Variants in ZNF141 observed in about 807,000 individuals in gnomAD.
ZNF141 encodes zinc finger protein 141.
A neutral mutation model predicts 11.3 loss-of-function variants in ZNF141; 7 were observed. The ratio of observed to expected loss-of-function variants is 0.62; its 90% CI spans 0.35 to 1.16. The LOEUF (loss-of-function observed/expected upper bound fraction) is 1.16. Among genes scored for constraint, ZNF141 ranks in the 50% most tolerant of loss-of-function variants. The probability of loss-of-function intolerance (pLI) is 0.02; values close to 1 mark genes in which losing one functional copy is unlikely to be tolerated. For missense variants in ZNF141, 535 were observed against 554.0 expected (o/e 0.97, Z 0.34); for synonymous variants, 183 against 190.7 (o/e 0.96, Z 0.33).
intron 3 of ZNF141, among the ~76,000 whole-genome samples, chr4:353,469 T>A (rs187140446): frequency 0.02 from 2,714 of 137,280 alleles, 58 homozygotes; most frequent in African/African-American, 0.062. Context: ...TATTATTATT[T>A]TTTTTTTTTT....
At chr4:364,203 C>T (rs1329303743) in intron 3 of ZNF141, among the ~76,000 whole-genome samples, 2 of 152,150 alleles carry the variant, frequency 1.3e-5, no homozygotes, top group African/African-American at 4.8e-5. Flanking sequence ...ATGCTGGCCT[C>T]ATAAAATGAG....
intron 3 of ZNF141, chr4:350,153 G>C (rs1332232824): frequency 1.9e-6 from 1 of 534,636 alleles, no homozygotes; most frequent in African/African-American, 1.9e-5. Flanking sequence ...AACTGCTTCA[G>C]AATCCTCAGT....
intron 3 of ZNF141, among the ~76,000 whole-genome samples, chr4:356,307 G>GAA (rs1553851219): frequency 6.6e-6 from 1 of 151,494 alleles, no homozygotes; most frequent in African/African-American, 2.4e-5. Flanking sequence ...ACTTCTTAAA[G>GAA]GCCTCACTTC....
chr4:358,183 C>CTTTTTTTTTT, intron 3 of ZNF141: 1 of 301,710 alleles, frequency 3.3e-6, no homozygotes, highest in Non-Finnish European at 6.2e-6. Context: ...GTTTCTCGTT[C>CTTTTTTTTTT]TTTTTTTTTT....
At chr4:344,899 G>A (rs1721248418) in intron 3 of ZNF141, among the ~76,000 whole-genome samples, 1 of 152,124 alleles carries the variant, frequency 6.6e-6, no homozygotes, top group Non-Finnish European at 1.5e-5. Flanking sequence ...ACAAATAGGG[G>A]CATCTTCTGT....
chr4:338,078 C>A, intron 1 of ZNF141, 92 bp downstream of exon 1: 2 of 1,559,022 alleles, frequency 1.3e-6, no homozygotes, highest in Non-Finnish European at 1.8e-6. Context: ...GAACGGAGTC[C>A]CCGCTGCCGC....
chr4:355,007 T>C (rs1196143100), intron 3 of ZNF141, among the ~76,000 whole-genome samples: 1 of 152,082 alleles, frequency 6.6e-6, no homozygotes, highest in Non-Finnish European at 1.5e-5. Flanking sequence ...AGAATATAAA[T>C]TATACTGTTA....
In ZNF141 at chr4:344,329, A is replaced by C. The variant is rs781791537; in HGVS notation, c.131-6A>C. On this transcript the variant is annotated splice_polypyrimidine_tract_variant and splice_region_variant and intron_variant, in intron 2 of 3. Coordinates refer to ENST00000240499, the MANE Select transcript of ZNF141 (RefSeq NM_003441.4). Reference sequence around the variant, plus strand: ...TCATGTTATTATTTTTTTTAAAATAAAACAGGTGTTGCTATCTCTAACCCA... The same window carrying C: ...TCATGTTATTATTTTTTTTAAAATACAACAGGTGTTGCTATCTCTAACCCA... 2.5e-6 allele frequency: 4 copies of C among 1,605,224 alleles called. No homozygotes were observed. Among genetic ancestry groups the C allele is most frequent in the Non-Finnish European group, 3.4e-6 (4 of 1,173,906 alleles).
rs1265107029 is a variant in ZNF141 at position 369,735 on chromosome 4, GAGATATAT to G, written c.227-2927_227-2920del. 3.7e-3 allele frequency among the ~76,000 whole-genome samples: 59 copies of G among 16,154 alleles called. 6 individuals are homozygous for G. The highest frequency in any genetic ancestry group is 0.021 in the Middle Eastern group (1 of 48). 10.6% of individuals were successfully genotyped at this position (16,154 alleles called of 152,430 possible). A position where few individuals can be genotyped will look rare whatever the true frequency, so the allele number is the denominator to read the frequency against. ...TGGGAATTCTGAAAAATTTCTTAAAGAGATATATATATATATATATATATATATATTTT... is the reference window on the plus strand; with the variant it reads ...TGGGAATTCTGAAAAATTTCTTAAAGATATATATATATATATATATATTTT... On this transcript the variant is annotated intron_variant, in intron 3 of 3. Transcript: ENST00000240499.
Position 342,964 on chromosome 4 carries a change from TTATTTTTTA to T in ZNF141, c.4-817_4-809del, listed in dbSNP as rs1721121225. ...TATCTCCTGATCCAAGGCTGAGACC[TTATTTTTTA>T]AAATCAGTTCCTTGCGTGGTTAAAA... On this transcript the variant is annotated intron_variant, in intron 1 of 3. Coordinates refer to ENST00000240499, the MANE Select transcript of ZNF141 (RefSeq NM_003441.4). 18 of 1,479,952 alleles carry T rather than the reference TTATTTTTTA, an allele frequency of 1.2e-5. No homozygotes were observed. In the South Asian group the frequency reaches 1.7e-4, roughly 14 times the overall value. The allele number at this position is 1,479,952 out of a possible 1,614,324, so 91.7% of individuals were successfully genotyped here.
chr4:372,941 T>C lies in ZNF141; in HGVS notation c.504T>C (p.Thr168=). 2.5e-6 allele frequency: 4 copies of C among 1,614,088 alleles called. No homozygotes were observed. In the South Asian group the frequency reaches 3.3e-5, roughly 13 times the overall value. The change falls in exon 4 of 4, where the codon ACT becomes ACC. Residue 168 remains threonine (T), a synonymous_variant. Coordinates refer to ENST00000240499, the MANE Select transcript of ZNF141 (RefSeq NM_003441.4). ...CAAACAAACGTAAGACAAGACATAC[T>C]GGAGAGAAACACTTTAAAGAATGTG... The part of the protein sequence containing the change: ...SNSNKRKTRH[T]GEKHFKECGK...
At chr4:361,142 T>G (rs1722087728) in intron 3 of ZNF141, among the ~76,000 whole-genome samples, 1 of 152,192 alleles carries the variant, frequency 6.6e-6, no homozygotes, top group Non-Finnish European at 1.5e-5. Context: ...GCTAAGTACA[T>G]TTACATTATT....
Position 374,413 on chromosome 4 carries a change from A to G in ZNF141, c.*551A>G. 2.9e-6 allele frequency: 1 copy of G among 348,346 alleles called. No individual in the cohort carries two copies. The highest frequency in any genetic ancestry group is 2.5e-5 in the South Asian group (1 of 40,162). 21.6% of individuals were successfully genotyped at this position (348,346 alleles called of 1,614,324 possible). A position where few individuals can be genotyped will look rare whatever the true frequency, so the allele number is the denominator to read the frequency against. ...GGCACAGTCTTTACCACATCCTCAA[A>G]CTTTGTTAAACATAAGAGAATTTAT... On this transcript the variant is annotated 3_prime_UTR_variant, in exon 4 of 4. Coordinates refer to ENST00000240499, the MANE Select transcript of ZNF141 (RefSeq NM_003441.4).
At position 376,169 on chromosome 4, in the gene ZNF141, C is replaced by T. The variant is rs1712355729; in HGVS notation, c.*2307C>T. On this transcript the variant is annotated 3_prime_UTR_variant, in exon 4 of 4. Coordinates refer to ENST00000240499, the MANE Select transcript of ZNF141 (RefSeq NM_003441.4). ...ATGCCACCAACTTAAACCTATCCCACCTTACTCAATGGTGTAGGTAAAAGA... is the reference window on the plus strand; with the variant it reads ...ATGCCACCAACTTAAACCTATCCCATCTTACTCAATGGTGTAGGTAAAAGA... Among the ~76,000 whole-genome samples, 1 of 152,016 alleles carries T rather than the reference C, an allele frequency of 6.6e-6. No individual in the cohort carries two copies. Among genetic ancestry groups the T allele is most frequent in the Non-Finnish European group, 1.5e-5 (1 of 67,906 alleles).
rs1721169526 is a variant in ZNF141, at chr4:343,691, C to T, written c.4-91C>T. 7 of 1,283,764 alleles carry T rather than the reference C, an allele frequency of 5.5e-6. No homozygotes were observed. The Admixed American group carries it at 9.5e-5, about 17-fold the overall frequency. The allele number at this position is 1,283,764 out of a possible 1,614,324, so 79.5% of individuals were successfully genotyped here. On this transcript the variant is annotated intron_variant, in intron 1 of 3. Coordinates refer to ENST00000240499, the MANE Select transcript of ZNF141 (RefSeq NM_003441.4). ...AGTGAGCCGAGACTGCGCCGCTGCA[C>T]TCCAGCCTGGGTGACAGAGCGAGAC...
At chr4:362,257 C>T (rs141115278) in intron 3 of ZNF141, among the ~76,000 whole-genome samples, 1 of 152,072 alleles carries the variant, frequency 6.6e-6, no homozygotes, top group East Asian at 1.9e-4. Context: ...TGTTTGAATT[C>T]TTTGTAGATT....
rs1553853944 is a variant in ZNF141, at chr4:373,364, A to G, written c.927A>G (p.Lys309=). The G allele has an allele frequency of 6.2e-7, 1 of 1,614,016 alleles. No homozygotes were observed. Among genetic ancestry groups the G allele is most frequent in the Admixed American group, 1.7e-5 (1 of 60,020 alleles). ...ATAAGCGAATTCATACTGGAGAGAAACCCTACAAATGTGAAGAATGTGGCA... is the reference window on the plus strand; with the variant it reads ...ATAAGCGAATTCATACTGGAGAGAAGCCCTACAAATGTGAAGAATGTGGCA... ...AKHKRIHTGE[K]PYKCEECGKA... The change falls in exon 4 of 4, where the codon AAA becomes AAG. Residue 309 remains lysine, a synonymous_variant. Coordinates refer to ENST00000240499, the MANE Select transcript of ZNF141 (RefSeq NM_003441.4).
intron 3 of ZNF141, among the ~76,000 whole-genome samples, chr4:354,442 A>C (rs1300172168): frequency 6.6e-6 from 1 of 152,222 alleles, no homozygotes; most frequent in Non-Finnish European, 1.5e-5. Context: ...TAATCCTCAC[A>C]TTGGAAAATA....
In ZNF141 at chr4:377,317, A is replaced by C. The variant is rs1342660696; in HGVS notation, c.*3455A>C. On this transcript the variant is annotated 3_prime_UTR_variant, in exon 4 of 4. Coordinates refer to ENST00000240499, the MANE Select transcript of ZNF141 (RefSeq NM_003441.4). The stretch of plus-strand genomic sequence containing the variant: ...ATTAGCCATAAATATTCCTGGAGTT[A>C]GTTTGTAGCTCCAAGTAAGAGATTG... 6.6e-6 allele frequency among the ~76,000 whole-genome samples: 1 copy of C among 152,192 alleles called. No homozygotes were observed. Among genetic ancestry groups the C allele is most frequent in the Non-Finnish European group, 1.5e-5 (1 of 68,034 alleles).
Sources: gnomAD v4.1 joint callset for allele counts (sites outside exome capture counted in the v4.1 genomes callset) on GRCh38, gnomAD v4.1.1 for gene constraint, MANE v1.5 for transcripts, NCBI Gene and HGNC (gene_info 2026-07-23, HGNC 2026-07-21) for gene names.